The following RBFOX3 variants were observed in gnomAD, a reference collection of about 807,000 sequenced individuals.
The protein encoded by RBFOX3 is RNA binding fox-1 homolog 3.
RBFOX3 carries 17 observed loss-of-function variants against 48.7 expected under a neutral mutation model. The observed-to-expected ratio is 0.35, with a 90% CI of 0.24 to 0.52. The LOEUF is 0.52. Ranked by LOEUF, RBFOX3 falls within the 20% of genes least tolerant of loss-of-function variation. RBFOX3 has a pLI of 0.94. For synonymous variants in RBFOX3, 212 were observed against 209.5 expected (o/e 1.01, Z -0.10); for missense variants, 382 against 497.5 (o/e 0.77, Z 2.21).
At chr17:79,324,240 G>A (rs2078979333) in intron 2 of RBFOX3, among the ~76,000 whole-genome samples, 1 of 152,188 alleles carries the variant, frequency 6.6e-6, no homozygotes, top group African/African-American at 2.4e-5. Context: ...TGGGGGCTTG[G>A]GTCACTGTCA....
chr17:79,653,912 G>T, the RBFOX3 span, among the ~76,000 whole-genome samples: 1 of 138,024 alleles, frequency 7.2e-6, no homozygotes, highest in Admixed American at 7.1e-5. Flanking sequence ...AGTTAATTCA[G>T]CTTTTTAAAA....
At chr17:79,658,311 TC>T in the RBFOX3 span, among the ~76,000 whole-genome samples, 1 of 118,446 alleles carries the variant, frequency 8.4e-6, no homozygotes, top group Non-Finnish European at 1.8e-5. Context: ...TCTCCCTCTC[TC>T]CCCCATCTCT....
intron 2 of RBFOX3, among the ~76,000 whole-genome samples, chr17:79,463,463 A>ACTGCCACCTCCACTGCCATCG (rs2075789903): frequency 1.3e-5 from 1 of 76,672 alleles, no homozygotes; most frequent in African/African-American, 4.9e-5. Context: ...CACCGCCATC[A>ACTGCCACCTCCACTGCCATCG]CCACTGCCAC....
rs1303777240 is a variant in RBFOX3, at chr17:79,254,481, A to C, written c.-73-18676T>G. ...CTCTTGCACACTGACCTCTGAACAT[A>C]GATGGAGGGAAGCCCTTGAGTTGCT... On this transcript the variant is annotated intron_variant, in intron 3 of 14. Transcript: ENST00000693108. The surrounding 1 kb of genome is among the most constrained non-coding windows in gnomAD (Gnocchi z 4.8). Among the ~76,000 whole-genome samples the C allele has an allele frequency of 6.6e-6, 1 of 152,030 alleles. No homozygotes were observed. Among genetic ancestry groups the C allele is most frequent in the Non-Finnish European group, 1.5e-5 (1 of 68,012 alleles).
intron 1 of RBFOX3, among the ~76,000 whole-genome samples, chr17:79,493,543 G>C (rs958584311): frequency 6.6e-6 from 1 of 152,104 alleles, no homozygotes; most frequent in Non-Finnish European, 1.5e-5. Context: ...CAGGGTCTTC[G>C]GTCTTCAATG....
chr17:79,581,527 C>G (rs1167359737), intron 1 of RBFOX3, among the ~76,000 whole-genome samples: 1 of 152,242 alleles, frequency 6.6e-6, no homozygotes, highest in Non-Finnish European at 1.5e-5. Flanking sequence ...TCCATGCACA[C>G]GTGAATCATG....
intron 2 of RBFOX3, among the ~76,000 whole-genome samples, chr17:79,345,805 A>G (rs1409181457): frequency 6.6e-6 from 1 of 152,196 alleles, no homozygotes; most frequent in Non-Finnish European, 1.5e-5. Context: ...CAATATATTG[A>G]ATTAAAAAGC....
At chr17:79,298,929 G>T (rs2074849787) in intron 3 of RBFOX3, among the ~76,000 whole-genome samples, 1 of 152,212 alleles carries the variant, frequency 6.6e-6, no homozygotes, top group Admixed American at 6.5e-5. Flanking sequence ...CAAACAGACT[G>T]TGCTGGTGGC....
upstream of RBFOX3, among the ~76,000 whole-genome samples, chr17:79,611,498 G>C (rs1168146651): frequency 2.0e-5 from 3 of 152,058 alleles, no homozygotes; most frequent in Non-Finnish European, 4.4e-5. Context: ...TCCCTTCAAG[G>C]GCAGCCCCAA....
chr17:79,611,166 C>CTCTCTCTCTCTCTCTCTCTA (rs2093963543), upstream of RBFOX3, among the ~76,000 whole-genome samples: 1 of 35,488 alleles, frequency 2.8e-5, no homozygotes, highest in Non-Finnish European at 6.1e-5. Context: ...CTCTCTCTCT[C>CTCTCTCTCTCTCTCTCTCTA]TCTCTCTCCG....
chr17:79,376,988 G>A (rs1409431262), intron 2 of RBFOX3, among the ~76,000 whole-genome samples: 5 of 152,134 alleles, frequency 3.3e-5, no homozygotes, highest in African/African-American at 7.2e-5. Flanking sequence ...ACCAAGGCTC[G>A]CTGCTCCCTC....
At chr17:79,093,889 A>C (rs1265647972) in intron 14 of RBFOX3, among the ~76,000 whole-genome samples, 1 of 151,654 alleles carries the variant, frequency 6.6e-6, no homozygotes, top group Non-Finnish European at 1.5e-5. Context: ...CTGAGGGAGG[A>C]GGCTGGGGCA....
chr17:79,337,054 G>T (rs1320148227), intron 2 of RBFOX3, among the ~76,000 whole-genome samples: 2 of 152,104 alleles, frequency 1.3e-5, no homozygotes, highest in African/African-American at 4.8e-5. Flanking sequence ...TGGAGCAGAG[G>T]TTGCAGTGAG....
At chr17:79,134,701 A>C (rs921325503) in intron 4 of RBFOX3, among the ~76,000 whole-genome samples, 2 of 152,196 alleles carry the variant, frequency 1.3e-5, no homozygotes, top group Non-Finnish European at 2.9e-5. Context: ...ACCGTGTCAG[A>C]GACACCATGC....
chr17:79,097,445 GAC>G, intron 10 of RBFOX3, 21 bp from the exon 11 acceptor site: 2 of 1,533,348 alleles, frequency 1.3e-6, no homozygotes, highest in South Asian at 2.4e-5. Flanking sequence ...CGGGGCCCGA[GAC>G]ACGTGTGAGA....
At position 79,535,500 on chromosome 17, in the gene RBFOX3, G is replaced by C. The variant is rs1490053365; in HGVS notation, c.-319-52902C>G. Among the ~76,000 whole-genome samples, 1 of 152,156 alleles carries C rather than the reference G, an allele frequency of 6.6e-6. No individual in the cohort carries two copies. The highest frequency in any genetic ancestry group is 2.4e-5 in the African/African-American group (1 of 41,450). On this transcript the variant is annotated intron_variant, in intron 1 of 14. Transcript: ENST00000693108. This position sits in a 1 kb window ranked among gnomAD's most constrained non-coding sequence, Gnocchi z 4.5. Reference sequence around the variant, plus strand: ...TCCTTTACTCTCCCCTGTTACCCAAGTGAGTCACCCCAAACGAATGAGGCC... The same window carrying C: ...TCCTTTACTCTCCCCTGTTACCCAACTGAGTCACCCCAAACGAATGAGGCC...
chr17:79,093,380 A>C (rs1043829586), intron 14 of RBFOX3, among the ~76,000 whole-genome samples: 1 of 152,194 alleles, frequency 6.6e-6, no homozygotes, highest in Non-Finnish European at 1.5e-5. Flanking sequence ...TGAAAACACA[A>C]GAGGGAACCC....
chr17:79,090,656 G>C lies in RBFOX3; in HGVS notation c.*227C>G. The stretch of plus-strand genomic sequence containing the variant: ...GTGCTGCCAGCCAGGACGCGGTGGG[G>C]CCGTCCTGTCCTGGGGCCGCTCCTC... On this transcript the variant is annotated 3_prime_UTR_variant, in exon 15 of 15. Transcript: ENST00000693108. 1 of 548,698 alleles carries C rather than the reference G, an allele frequency of 1.8e-6. No individual in the cohort carries two copies. The highest frequency in any genetic ancestry group is 3.2e-6 in the Non-Finnish European group (1 of 310,426). 34.0% of individuals were successfully genotyped at this position (548,698 alleles called of 1,614,324 possible). A position where few individuals can be genotyped will look rare whatever the true frequency, so the allele number is the denominator to read the frequency against.
intron 4 of RBFOX3, among the ~76,000 whole-genome samples, chr17:79,181,505 T>C (rs1404645142): frequency 6.6e-6 from 1 of 152,230 alleles, no homozygotes; most frequent in Non-Finnish European, 1.5e-5. Context: ...GATGACTTCC[T>C]GCCTGTCAGT....
Sources: allele counts gnomAD v4.1 joint callset (sites outside exome capture counted in the v4.1 genomes callset), GRCh38; gene constraint gnomAD v4.1.1; non-coding constraint Gnocchi (gnomAD v3.1); transcripts MANE v1.5; gene names NCBI Gene and HGNC (gene_info 2026-07-23, HGNC 2026-07-21).